Variants in SIM2 observed in about 807,000 individuals in gnomAD.
SIM2 encodes SIM bHLH transcription factor 2.
In SIM2, 28 loss-of-function variants were observed where a neutral mutation model predicts 64.8. The ratio of observed to expected loss-of-function variants is 0.43; its 90% CI spans 0.32 to 0.59. The LOEUF is 0.59. SIM2 is among the 20% of genes least tolerant of loss of function. SIM2 has a pLI of 0.07. For synonymous variants in SIM2, 408 were observed against 391.1 expected (o/e 1.04, Z -0.51); for missense variants, 847 against 871.4 (o/e 0.97, Z 0.35).
intron 3 of SIM2, among the ~76,000 whole-genome samples, chr21:36,716,077 GCACACGTGTCCACA>G (rs1180918105): frequency 6.6e-6 from 1 of 152,204 alleles, no homozygotes; most frequent in Non-Finnish European, 1.5e-5. Flanking sequence ...GGGCACACTC[GCACACGTGTCCACA>G]CACAAAGCAT....
At position 36,742,542 on chromosome 21, in the gene SIM2, G is replaced by A. The variant is rs190851599; in HGVS notation, c.998+678G>A. ...CAAAGTGCTGGAATTACAGGCATGA[G>A]CCACGGTGCCCAGCCTGCAAATACT... is the stretch of plus-strand genomic sequence containing the variant. On this transcript the variant is annotated intron_variant, in intron 8 of 10. Coordinates refer to ENST00000290399, the MANE Select transcript of SIM2 (RefSeq NM_005069.6). 4.6e-3 allele frequency among the ~76,000 whole-genome samples: 702 copies of A among 152,192 alleles called. 7 individuals are homozygous for A. The highest frequency in any genetic ancestry group is 7.8e-3 in the African/African-American group (324 of 41,520).
In SIM2 at chr21:36,735,834, C is replaced by T. The variant is rs947824677; in HGVS notation, c.850+4683C>T. Among the ~76,000 whole-genome samples the T allele has an allele frequency of 7.2e-5, 11 of 152,268 alleles. No homozygotes were observed. In the East Asian group the frequency reaches 2.1e-3, roughly 29 times the overall value. On this transcript the variant is annotated intron_variant, in intron 7 of 10. Coordinates refer to ENST00000290399, the MANE Select transcript of SIM2 (RefSeq NM_005069.6). ...CGACTTGGGGAGGACAGGGGAGAAG[C>T]TGAGAAGGTGGGAGGCCCCATTTTG...
At position 36,745,046 on chromosome 21, in the gene SIM2, C is replaced by T. The variant is rs1393081174; in HGVS notation, c.1486C>T (p.Pro496Ser). 1.9e-6 allele frequency: 3 copies of T among 1,613,902 alleles called. No homozygotes were observed. The highest frequency in any genetic ancestry group is 2.2e-5 in the South Asian group (2 of 91,088). ...TGAATGCCAGTGGCATTATGCCAAC[C>T]CCCTAGTGCCTAGCAGCTCGTCTCC... ...SGECQWHYAN[P>S]LVPSSSSPAK... The change falls in exon 10 of 11, where the codon CCC (proline) becomes TCC (serine). Residue 496 changes from proline (P) to serine (S), a missense_variant. By Grantham distance (74) the Pro-to-Ser change is moderately conservative. This residue lies in a region of SIM2 where 447 missense variants were observed against 414.6 expected (regional missense o/e 1.08). Coordinates refer to ENST00000290399, the MANE Select transcript of SIM2 (RefSeq NM_005069.6). The surrounding 1 kb of genome is among the most constrained non-coding windows in gnomAD (Gnocchi z 4.8).
chr21:36,744,686 C>A, intron 9 of SIM2, 42 bp from the exon 10 acceptor site: 1 of 1,519,718 alleles, frequency 6.6e-7, no homozygotes, highest in South Asian at 1.3e-5. Context: ...AGCTTCCTGC[C>A]GGCCCCTCGC....
rs997418203 is a variant in SIM2, at chr21:36,747,626, G to A, written c.1577-39G>A. The stretch of plus-strand genomic sequence containing the variant: ...TTGGGGGTGGGGTGGCTGCGGCCGC[G>A]CCCCTTGCTGCCCTCTAACGTGTCG... On this transcript the variant is annotated intron_variant, in intron 10 of 10. Transcript: ENST00000290399. This position sits in a 1 kb window ranked among gnomAD's most constrained non-coding sequence, Gnocchi z 4.5. 3.7e-5 allele frequency: 44 copies of A among 1,195,426 alleles called. No individual in the cohort carries two copies. The highest frequency in any genetic ancestry group is 3.4e-4 in the Middle Eastern group (1 of 2,964). 74.1% of individuals were successfully genotyped at this position (1,195,426 alleles called of 1,614,324 possible). A position where few individuals can be genotyped will look rare whatever the true frequency, so the allele number is the denominator to read the frequency against.
chr21:36,702,797 G>T (rs1399423494), intron 1 of SIM2, among the ~76,000 whole-genome samples: 1 of 152,054 alleles, frequency 6.6e-6, no homozygotes, highest in African/African-American at 2.4e-5. Flanking sequence ...CCGGGCTGTG[G>T]CAGGGGCTCT....
In SIM2 at chr21:36,699,486, T is replaced by G; in HGVS notation, c.-261T>G. Reference sequence around the variant, plus strand: ...GGAGCGAGCAGGAACGGGGCTCCGGTTGCTGCAGGACGGTCCAGCCCGGAG... The same window carrying G: ...GGAGCGAGCAGGAACGGGGCTCCGGGTGCTGCAGGACGGTCCAGCCCGGAG... On this transcript the variant is annotated 5_prime_UTR_variant, in exon 1 of 11. Transcript: ENST00000290399. The surrounding 1 kb of genome is among the most constrained non-coding windows in gnomAD (Gnocchi z 5.6). 1 of 274,520 alleles carries G rather than the reference T, an allele frequency of 3.6e-6. No homozygotes were observed. The highest frequency in any genetic ancestry group is 6.7e-6 in the Non-Finnish European group (1 of 148,736). The allele number at this position is 274,520 out of a possible 1,614,324, so 17.0% of individuals were successfully genotyped here. A position where few individuals can be genotyped will look rare whatever the true frequency, so the allele number is the denominator to read the frequency against.
rs148280274 is a variant in SIM2 at position 36,741,364 on chromosome 21, A to G, written c.851-353A>G. The stretch of plus-strand genomic sequence containing the variant: ...ATTAAGGATTTGGGGATTAAAACAT[A>G]ATTGTGGCATTTTGAAAACTAAAAA... On this transcript the variant is annotated intron_variant, in intron 7 of 10. Coordinates refer to ENST00000290399, the MANE Select transcript of SIM2 (RefSeq NM_005069.6). 1.6e-4 allele frequency among the ~76,000 whole-genome samples: 24 copies of G among 152,316 alleles called. 1 individual carries two copies. In the East Asian group the frequency reaches 4.4e-3, roughly 28 times the overall value.
chr21:36,706,798 G>C (rs1041543402), intron 1 of SIM2, among the ~76,000 whole-genome samples: 3 of 152,204 alleles, frequency 2.0e-5, no homozygotes, highest in African/African-American at 7.2e-5. Flanking sequence ...TCCACCAGGT[G>C]GGAAAGGGAC....
chr21:36,718,175 C>T (rs2088771311), intron 3 of SIM2, among the ~76,000 whole-genome samples: 1 of 152,186 alleles, frequency 6.6e-6, no homozygotes, highest in Non-Finnish European at 1.5e-5. Flanking sequence ...GTAACTTATT[C>T]TGAATAAGAA....
intron 1 of SIM2, 148 bp downstream of exon 1, chr21:36,700,069 G>A: frequency 1.2e-6 from 1 of 803,232 alleles, no homozygotes; most frequent in South Asian, 1.8e-5. Context: ...AGGGTCTTCG[G>A]CTTCGGCGCT....
chr21:36,700,515 T>C (rs1219387606), intron 1 of SIM2, among the ~76,000 whole-genome samples: 1 of 152,160 alleles, frequency 6.6e-6, no homozygotes, highest in Non-Finnish European at 1.5e-5. Context: ...CCTTTCTTTA[T>C]CCCTCCTTCC....
At chr21:36,744,432 GAA>G (rs2089202644) in intron 9 of SIM2, among the ~76,000 whole-genome samples, 1 of 147,898 alleles carries the variant, frequency 6.8e-6, no homozygotes, top group South Asian at 2.1e-4. Context: ...AAGAAAGAAA[GAA>G]AAACAAAGAA....
chr21:36,720,790 C>T (rs1311205021), intron 4 of SIM2, among the ~76,000 whole-genome samples: 4 of 152,208 alleles, frequency 2.6e-5, no homozygotes, highest in Admixed American at 2.6e-4. Context: ...TAGGAAGATA[C>T]AGAAGGACTT....
At chr21:36,724,690 T>C (rs2088867082) in intron 5 of SIM2, among the ~76,000 whole-genome samples, 1 of 152,182 alleles carries the variant, frequency 6.6e-6, no homozygotes, top group Non-Finnish European at 1.5e-5. Context: ...AATGGGAGAA[T>C]AGACTGGAAG....
intron 8 of SIM2, among the ~76,000 whole-genome samples, chr21:36,743,078 T>C (rs994418023): frequency 1.3e-5 from 2 of 152,206 alleles, no homozygotes; most frequent in East Asian, 1.9e-4. Context: ...ATGGTATTTC[T>C]GCCTGTCTCT....
chr21:36,704,321 C>T (rs1342892611), intron 1 of SIM2, among the ~76,000 whole-genome samples: 1 of 152,224 alleles, frequency 6.6e-6, no homozygotes, highest in African/African-American at 2.4e-5. Flanking sequence ...AGATGTGAGG[C>T]AATTCTCTAC....
chr21:36,719,247 G>C (rs964924548), intron 3 of SIM2, among the ~76,000 whole-genome samples: 1 of 152,256 alleles, frequency 6.6e-6, no homozygotes, highest in South Asian at 2.1e-4. Context: ...AGAGAGGCCT[G>C]GCAGCGCCTG....
rs757506420 is a variant in SIM2, at chr21:36,745,153, C to G, written c.1576+17C>G. 1.2e-6 allele frequency: 2 copies of G among 1,600,414 alleles called. No homozygotes were observed. Among genetic ancestry groups the G allele is most frequent in the Non-Finnish European group, 1.7e-6 (2 of 1,173,094 alleles). ...GCTACGAAGGTGGGTCAGGTCTGCT[C>G]GTGGGGAAGGTGGGAGGACTGCGCA... On this transcript the variant is annotated intron_variant, in intron 10 of 10. Transcript: ENST00000290399. The surrounding 1 kb of genome is among the most constrained non-coding windows in gnomAD (Gnocchi z 4.8).
Sources: allele counts gnomAD v4.1 joint callset (sites outside exome capture counted in the v4.1 genomes callset), GRCh38; gene constraint gnomAD v4.1.1; regional missense constraint gnomAD v4.1.1; non-coding constraint Gnocchi (gnomAD v3.1); transcripts MANE v1.5; gene names NCBI Gene and HGNC (gene_info 2026-07-23, HGNC 2026-07-21).